The following PACRGL variants were observed in gnomAD, a reference collection of about 807,000 sequenced individuals.
PACRGL encodes parkin coregulated like.
PACRGL carries 38 observed loss-of-function variants against 34.5 expected under a neutral mutation model. That is an observed-to-expected ratio of 1.10 (90% confidence interval 0.85 to 1.44). The LOEUF (loss-of-function observed/expected upper bound fraction) is 1.44, where lower values mean the gene tolerates loss of function less well. PACRGL is among the 40% of genes most tolerant of loss of function. The probability of loss-of-function intolerance (pLI) is 0.00; values close to 1 mark genes in which losing one functional copy is unlikely to be tolerated. For synonymous variants in PACRGL, 128 were observed against 100.1 expected, an observed-to-expected ratio of 1.28 and a Z score of -1.66; for missense variants, 305 against 281.4, an observed-to-expected ratio of 1.08 and a Z score of -0.60.
intron 7 of PACRGL, among the ~76,000 whole-genome samples, chr4:20,723,811 C>G (rs1476513410): frequency 6.6e-6 from 1 of 152,078 alleles, no homozygotes; most frequent in African/African-American, 2.4e-5. Flanking sequence ...CCCTGACCAT[C>G]AGATCCTGGT....
At position 20,704,691 on chromosome 4, in the gene PACRGL, A is replaced by C. The variant is rs1179989746; in HGVS notation, c.84A>C (p.Thr28=). 9 of 1,614,018 alleles carry C rather than the reference A, an allele frequency of 5.6e-6. No homozygotes were observed. The African/African-American group carries it at 1.1e-4, about 19-fold the overall frequency. Residue 28 remains threonine (T), a synonymous_variant, in exon 3 of 9, where the codon ACA becomes ACC. Coordinates refer to ENST00000503585, the MANE Select transcript of PACRGL (RefSeq NM_001258345.3). The part of the protein sequence containing the change: ...GNYDQRTSSS[T]QLKHRNAVQG... ...ATGATCAAAGGACATCATCAAGCACACAGTTAAAACACAGGAATGCAGTTC... is the reference window on the plus strand; with the variant it reads ...ATGATCAAAGGACATCATCAAGCACCCAGTTAAAACACAGGAATGCAGTTC...
At chr4:20,748,997 A>T (rs1212231937) in intron 8 of PACRGL, among the ~76,000 whole-genome samples, 1 of 151,534 alleles carries the variant, frequency 6.6e-6, no homozygotes, top group African/African-American at 2.4e-5. Context: ...CATGAAGGAA[A>T]TTAAATACTT....
intron 8 of PACRGL, among the ~76,000 whole-genome samples, chr4:20,740,291 C>T (rs1417668298): frequency 6.6e-6 from 1 of 151,884 alleles, no homozygotes; most frequent in Admixed American, 6.6e-5. Flanking sequence ...TCAGATTCAC[C>T]AAAGTTGAAA....
chr4:20,761,797 A>G, the PACRGL span, among the ~76,000 whole-genome samples: 1 of 152,242 alleles, frequency 6.6e-6, no homozygotes, highest in Non-Finnish European at 1.5e-5. Flanking sequence ...GTGTCAGAGG[A>G]AACCTTTTCT....
At chr4:20,713,080 A>C in intron 6 of PACRGL, 158 bp downstream of exon 6, 1 of 739,428 alleles carries the variant, frequency 1.4e-6, no homozygotes, top group Non-Finnish European at 2.0e-6. Context: ...GGCAACTGTT[A>C]CTCAGGGCCA....
downstream of PACRGL, among the ~76,000 whole-genome samples, chr4:20,735,990 A>G (rs1312029831): frequency 1.3e-5 from 2 of 152,150 alleles, no homozygotes; most frequent in African/African-American, 4.8e-5. Flanking sequence ...CCTTCCTTTT[A>G]TAGCTGTATT....
chr4:20,707,258 A>C (rs1026797880), intron 3 of PACRGL, among the ~76,000 whole-genome samples: 1 of 152,208 alleles, frequency 6.6e-6, no homozygotes, highest in Non-Finnish European at 1.5e-5. Flanking sequence ...CAAGCTATTC[A>C]TATATAGCAA....
intron 8 of PACRGL, among the ~76,000 whole-genome samples, chr4:20,725,162 G>T (rs1195473851): frequency 6.6e-6 from 1 of 152,082 alleles, no homozygotes; most frequent in African/African-American, 2.4e-5. Context: ...TGGCGCAGTG[G>T]TACAGTTTTT....
At chr4:20,733,360 A>C (rs1176262907), downstream of PACRGL, among the ~76,000 whole-genome samples, 1 of 152,182 alleles carries the variant, frequency 6.6e-6, no homozygotes, top group Non-Finnish European at 1.5e-5. Flanking sequence ...TTTTCTCTAA[A>C]ACAGTCTAAT....
chr4:20,708,938 C>T (rs1735798399), intron 4 of PACRGL, among the ~76,000 whole-genome samples: 2 of 150,544 alleles, frequency 1.3e-5, no homozygotes, highest in South Asian at 4.2e-4. Flanking sequence ...ACCAGCCTGA[C>T]CAACATGGAG....
At chr4:20,713,359 T>C in intron 6 of PACRGL, 73 bp from the exon 7 acceptor site, 1 of 1,180,654 alleles carries the variant, frequency 8.5e-7, no homozygotes, top group East Asian at 2.4e-5. Flanking sequence ...CCCTTTTTTC[T>C]AACCTATCTT....
intron 3 of PACRGL, among the ~76,000 whole-genome samples, chr4:20,705,571 A>C (rs955093955): frequency 6.6e-6 from 1 of 152,120 alleles, no homozygotes. Flanking sequence ...TCTGTAATCT[A>C]CAGTGTCAAG....
In PACRGL at chr4:20,730,219, A is replaced by AACCACCTCAACC; in HGVS notation, c.*2882_*2893dup. On this transcript the variant is annotated 3_prime_UTR_variant, in exon 9 of 9. Coordinates refer to ENST00000503585, the MANE Select transcript of PACRGL (RefSeq NM_001258345.3). Reference sequence around the variant, plus strand: ...CCCCTGAGTATTGCCTCCTCCCATCAACCACCTCAACCACCTATGCCAAAA... The same window carrying AACCACCTCAACC: ...CCCCTGAGTATTGCCTCCTCCCATCAACCACCTCAACCACCACCTCAACCACCTATGCCAAAA... 2 of 1,398,128 alleles carry AACCACCTCAACC rather than the reference A, an allele frequency of 1.4e-6. No homozygotes were observed. Among genetic ancestry groups the AACCACCTCAACC allele is most frequent in the Non-Finnish European group, 1.9e-6 (2 of 1,047,542 alleles). 86.6% of individuals were successfully genotyped at this position (1,398,128 alleles called of 1,614,324 possible). A position where few individuals can be genotyped will look rare whatever the true frequency, so the allele number is the denominator to read the frequency against.
At chr4:20,745,687 CAT>C (rs779445278) in intron 8 of PACRGL, among the ~76,000 whole-genome samples, 2 of 152,144 alleles carry the variant, frequency 1.3e-5, no homozygotes, top group Non-Finnish European at 2.9e-5. Context: ...AGGAGAAAGA[CAT>C]AGAGATTTGA....
intron 1 of PACRGL, among the ~76,000 whole-genome samples, chr4:20,701,023 G>A (rs1731925640): frequency 6.6e-6 from 1 of 152,080 alleles, no homozygotes; most frequent in African/African-American, 2.4e-5. Context: ...AAAAGGGACT[G>A]GGATAAGTGA....
chr4:20,740,753 C>T (rs558029398), intron 8 of PACRGL, among the ~76,000 whole-genome samples: 25 of 152,172 alleles, frequency 1.6e-4, no homozygotes, highest in South Asian at 6.2e-4. Context: ...ATGGGCTAAA[C>T]GCACCAATTA....
At chr4:20,706,700 C>T (rs1009759010) in intron 3 of PACRGL, among the ~76,000 whole-genome samples, 31 of 152,096 alleles carry the variant, frequency 2.0e-4, no homozygotes, top group African/African-American at 6.3e-4. Flanking sequence ...CTCAGCCTCC[C>T]GAGTAGCTGG....
At chr4:20,740,287 T>G (rs1750752729) in intron 8 of PACRGL, among the ~76,000 whole-genome samples, 1 of 151,978 alleles carries the variant, frequency 6.6e-6, no homozygotes. Context: ...ATTGTCAGAT[T>G]CACCAAAGTT....
chr4:20,751,411 G>A (rs568390715), intron 8 of PACRGL, among the ~76,000 whole-genome samples: 3 of 152,030 alleles, frequency 2.0e-5, no homozygotes, highest in African/African-American at 7.2e-5. Flanking sequence ...TCAAGAATTG[G>A]CAGCCTATTT....
Sources: gnomAD v4.1 joint callset for allele counts (sites outside exome capture counted in the v4.1 genomes callset) on GRCh38, gnomAD v4.1.1 for gene constraint, MANE v1.5 for transcripts, NCBI Gene and HGNC (gene_info 2026-07-23, HGNC 2026-07-21) for gene names.